The following TLN2 variants were observed in gnomAD, a reference collection of about 807,000 sequenced individuals.
TLN2 encodes the protein talin 2.
Under a neutral mutation model 294.7 loss-of-function variants are expected in TLN2, and 118 were observed. That is an observed-to-expected ratio of 0.40 (90% CI 0.34 to 0.47). The LOEUF (loss-of-function observed/expected upper bound fraction) is 0.47. Among genes scored for constraint, TLN2 ranks in the 20% least tolerant of loss-of-function variants. TLN2 has a pLI of 0.84. For synonymous variants in TLN2, 1,431 were observed against 1,304.5 expected (o/e 1.10, Z -2.09); for missense variants, 3,083 against 3,282.2 (o/e 0.94, Z 1.48).
intron 2 of TLN2, among the ~76,000 whole-genome samples, chr15:62,613,137 T>G (rs2048050012): frequency 1.3e-5 from 2 of 152,230 alleles, no homozygotes. Context: ...GTGAAATGGA[T>G]TTGATGGTTC....
intron 1 of TLN2, among the ~76,000 whole-genome samples, chr15:62,572,815 G>A (rs1163159349): frequency 6.6e-6 from 1 of 151,412 alleles, no homozygotes; most frequent in Non-Finnish European, 1.5e-5. Context: ...GGATCTGTGG[G>A]CACCTGACCC....
chr15:62,468,415 C>A (rs1352726865), intron 1 of TLN2, among the ~76,000 whole-genome samples: 6 of 152,162 alleles, frequency 3.9e-5, no homozygotes, highest in African/African-American at 1.4e-4. Flanking sequence ...GACACTCCAG[C>A]CAGTCAGTTT....
At chr15:62,763,376 G>T in intron 39 of TLN2, 187 bp from the exon 40 acceptor site, 1 of 585,110 alleles carries the variant, frequency 1.7e-6, no homozygotes, top group Non-Finnish European at 2.8e-6. Context: ...GTTATCTGAA[G>T]TGTTAAATTA....
In TLN2 at chr15:62,656,046, A is replaced by T. The variant is rs2053171426; in HGVS notation, c.620A>T (p.Asp207Val). Residue 207 changes from aspartate to valine, a missense_variant, in exon 8 of 59, where the codon GAT (aspartate) becomes GTT (valine). By Grantham distance (152) the Asp-to-Val change is radical. Transcript: ENST00000636159. The stretch of plus-strand genomic sequence containing the variant: ...TTCTTTTACTCTGATCAGAATGTAG[A>T]TTCGAGAGACCCCGTGCAGCTGAAC... ...RKFFYSDQNV[D>V]SRDPVQLNLL... 6.2e-7 allele frequency: 1 copy of T among 1,614,094 alleles called. No individual in the cohort carries two copies. The highest frequency in any genetic ancestry group is 1.3e-5 in the African/African-American group (1 of 74,938).
intron 54 of TLN2, among the ~76,000 whole-genome samples, chr15:62,826,304 C>T (rs947355154): frequency 2.0e-5 from 3 of 152,194 alleles, no homozygotes; most frequent in Non-Finnish European, 4.4e-5. Flanking sequence ...GGGAAAACTA[C>T]TCCCAAGATA....
intron 51 of TLN2, among the ~76,000 whole-genome samples, chr15:62,806,545 C>G (rs1909123): frequency 0.98 from 149,720 of 152,326 alleles, 73,622 homozygotes; most frequent in Middle Eastern, 1. Context: ...CAGAACTTGG[C>G]GAGCTGCTTT....
At chr15:62,467,983 C>T (rs1447655588) in intron 1 of TLN2, among the ~76,000 whole-genome samples, 2 of 152,146 alleles carry the variant, frequency 1.3e-5, no homozygotes, top group African/African-American at 4.8e-5. Context: ...ACACTTATCA[C>T]CAGGCAGAGC....
intron 1 of TLN2, among the ~76,000 whole-genome samples, chr15:62,482,907 C>A (rs1283332893): frequency 6.6e-6 from 1 of 152,164 alleles, no homozygotes; most frequent in Non-Finnish European, 1.5e-5. Context: ...TTCTGCATCC[C>A]TCCTGTTCTT....
At position 62,739,437 on chromosome 15, in the gene TLN2, C is replaced by G; in HGVS notation, c.3777C>G (p.Val1259=). ...ADLNQSAGEV[V]HATRGQSGEL... ...TGAACCAGTCTGCTGGGGAAGTGGT[C>G]CATGCCACCCGGGGCCAGAGTGGAG... The change falls in exon 31 of 59, where the codon GTC becomes GTG. Residue 1259 remains valine (V), a synonymous_variant. Coordinates refer to ENST00000636159, the MANE Select transcript of TLN2 (RefSeq NM_015059.3). The G allele has an allele frequency of 6.2e-7, 1 of 1,614,154 alleles. No homozygotes were observed. The highest frequency in any genetic ancestry group is 8.5e-7 in the Non-Finnish European group (1 of 1,180,038).
intron 1 of TLN2, among the ~76,000 whole-genome samples, chr15:62,445,771 C>T (rs2035789245): frequency 6.6e-6 from 1 of 151,944 alleles, no homozygotes. Context: ...TCAAAGAATC[C>T]TTTCACCTCA....
chr15:62,503,693 C>T (rs191968114), intron 1 of TLN2, among the ~76,000 whole-genome samples: 1 of 152,238 alleles, frequency 6.6e-6, no homozygotes, highest in African/African-American at 2.4e-5. Context: ...TGGCTCTTTG[C>T]CAGCTTGTGG....
intron 3 of TLN2, among the ~76,000 whole-genome samples, chr15:62,641,408 G>C (rs2140915337): frequency 6.6e-6 from 1 of 152,044 alleles, no homozygotes; most frequent in South Asian, 2.1e-4. Context: ...CTTGAGGTTG[G>C]GAGTTTGAGA....
intron 3 of TLN2, chr15:62,638,323 C>T (rs755588170): frequency 2.5e-5 from 9 of 353,012 alleles, no homozygotes; most frequent in South Asian, 2.0e-4. Context: ...GGTTCTGAAA[C>T]TTACCATTTC....
chr15:62,576,666 C>G, intron 1 of TLN2, among the ~76,000 whole-genome samples: 1 of 113,862 alleles, frequency 8.8e-6, no homozygotes, highest in Admixed American at 1.1e-4. Flanking sequence ...TGATTCCCCC[C>G]CCCGCCCCCC....
At chr15:62,481,221 CT>C (rs61704039) in intron 1 of TLN2, among the ~76,000 whole-genome samples, 4 of 149,618 alleles carry the variant, frequency 2.7e-5, no homozygotes, top group African/African-American at 4.9e-5. Context: ...GTTCTTTTTT[CT>C]TTTTTTTTTC....
chr15:62,742,006 C>CG (rs2061356249), intron 32 of TLN2, among the ~76,000 whole-genome samples: 1 of 4,014 alleles, frequency 2.5e-4, no homozygotes, highest in Non-Finnish European at 6.0e-3. Flanking sequence ...GTCCTTCCTC[C>CG]CTCTTGGCTT....
At chr15:62,758,450 G>A (rs952072546) in intron 37 of TLN2, 11 of 152,348 alleles carry the variant, frequency 7.2e-5, no homozygotes, top group African/African-American at 2.6e-4. Context: ...AATCAGATGT[G>A]TGGAATGGAA....
chr15:62,664,906 G>T (rs2140981257), intron 9 of TLN2, among the ~76,000 whole-genome samples: 1 of 114,270 alleles, frequency 8.8e-6, no homozygotes, highest in South Asian at 3.0e-4. Context: ...AAAGGATATG[G>T]GATTTCCACT....
intron 1 of TLN2, among the ~76,000 whole-genome samples, chr15:62,398,456 A>G (rs993163025): frequency 6.6e-6 from 1 of 152,196 alleles, no homozygotes; most frequent in Non-Finnish European, 1.5e-5. Flanking sequence ...GGGTGCTGCT[A>G]TAAAGATACC....
Sources: gnomAD v4.1 joint callset for allele counts (sites outside exome capture counted in the v4.1 genomes callset) on GRCh38, gnomAD v4.1.1 for gene constraint, MANE v1.5 for transcripts, NCBI Gene and HGNC (gene_info 2026-07-23, HGNC 2026-07-21) for gene names.